Variants in CELF2 observed in about 807,000 individuals in gnomAD.
The protein encoded by CELF2 is CUGBP Elav-like family member 2.
CELF2 carries 8 observed loss-of-function variants against 62.6 expected under a neutral mutation model. The ratio of observed to expected loss-of-function variants is 0.13; its 90% CI spans 0.07 to 0.23. The LOEUF (loss-of-function observed/expected upper bound fraction) is 0.23. CELF2 is among the 10% of genes least tolerant of loss of function. The pLI, the probability that CELF2 is intolerant of heterozygous loss-of-function variation, is 1.00. For missense variants in CELF2, 333 were observed against 671.0 expected (o/e 0.50, Z 5.56); for synonymous variants, 258 against 250.0 (o/e 1.03, Z -0.30).
intron 9 of CELF2, among the ~76,000 whole-genome samples, chr10:11,310,727 G>A (rs776461741): frequency 2.1e-4 from 32 of 151,710 alleles, no homozygotes; most frequent in South Asian, 8.4e-4. Context: ...GACTGGCATC[G>A]GATGCAGTCC....
intron 1 of CELF2, among the ~76,000 whole-genome samples, chr10:10,826,368 A>G: frequency 6.6e-6 from 1 of 152,214 alleles, no homozygotes; most frequent in Non-Finnish European, 1.5e-5. Flanking sequence ...ATGGTCTCAG[A>G]CACAATGGTT....
At chr10:11,162,437 A>G (rs926597765) in intron 1 of CELF2, among the ~76,000 whole-genome samples, 1 of 152,168 alleles carries the variant, frequency 6.6e-6, no homozygotes, top group African/African-American at 2.4e-5. Context: ...CTTGATGCAA[A>G]TCTTTGGAAA....
At chr10:11,074,640 A>G (rs768771569) in intron 1 of CELF2, among the ~76,000 whole-genome samples, 2 of 152,180 alleles carry the variant, frequency 1.3e-5, no homozygotes, top group Non-Finnish European at 2.9e-5. Context: ...GGGGACTGGT[A>G]TTATTGGCAG....
intron 1 of CELF2, among the ~76,000 whole-genome samples, chr10:10,850,268 A>G (rs1351038770): frequency 6.6e-6 from 1 of 152,220 alleles, no homozygotes; most frequent in African/African-American, 2.4e-5. Context: ...TTACACAACT[A>G]GAAAAAAATG....
the CELF2 span, among the ~76,000 whole-genome samples, chr10:10,760,206 A>G: frequency 2.6e-5 from 4 of 152,068 alleles, no homozygotes; most frequent in Non-Finnish European, 5.9e-5. Flanking sequence ...GGCCAGCTAA[A>G]ATCATTTTTA....
the CELF2 span, among the ~76,000 whole-genome samples, chr10:10,591,052 T>A: frequency 8.4e-4 from 128 of 152,314 alleles, 4 homozygotes; most frequent in African/African-American, 2.8e-3. Flanking sequence ...TTCACGAGAA[T>A]ATAAAACATA....
rs2092352647 is a variant in CELF2 at position 11,290,497 on chromosome 10, A to G, written c.976+1945A>G. 6.7e-6 allele frequency among the ~76,000 whole-genome samples: 1 copy of G among 150,182 alleles called. No individual in the cohort carries two copies. The highest frequency in any genetic ancestry group is 2.5e-5 in the African/African-American group (1 of 40,590). ...ACTGGAGATCATGCCACTGCACTCC[A>G]GCCTGGGCGACGAGCGAGACTCCGT... is the stretch of plus-strand genomic sequence containing the variant. On this transcript the variant is annotated intron_variant, in intron 9 of 12. Transcript: ENST00000633077. This position sits in a 1 kb window ranked among gnomAD's most constrained non-coding sequence, Gnocchi z 4.3.
the CELF2 span, among the ~76,000 whole-genome samples, chr10:10,759,285 T>C: frequency 2.0e-5 from 3 of 146,484 alleles, no homozygotes; most frequent in African/African-American, 7.5e-5. Flanking sequence ...AGAAACTCAG[T>C]GCCCATTTTT....
chr10:11,048,653 C>A (rs2063302892), intron 1 of CELF2, among the ~76,000 whole-genome samples: 1 of 152,160 alleles, frequency 6.6e-6, no homozygotes, highest in African/African-American at 2.4e-5. Context: ...TCATAAAACA[C>A]CTAAGGTAGA....
chr10:10,770,143 C>T, the CELF2 span, among the ~76,000 whole-genome samples: 2 of 151,956 alleles, frequency 1.3e-5, no homozygotes, highest in South Asian at 2.1e-4. Context: ...GGATGCGGTG[C>T]GATTAGCTGG....
At chr10:10,525,810 T>C in the CELF2 span, among the ~76,000 whole-genome samples, 3 of 152,266 alleles carry the variant, frequency 2.0e-5, no homozygotes, top group Non-Finnish European at 2.9e-5. Context: ...GTCTTCCACA[T>C]ACTGATTGCA....
intron 1 of CELF2, among the ~76,000 whole-genome samples, chr10:11,106,850 C>T (rs1044249085): frequency 1.3e-5 from 2 of 152,186 alleles, no homozygotes; most frequent in African/African-American, 4.8e-5. Flanking sequence ...GGGACAATGA[C>T]GCTTCAGTGT....
At chr10:10,744,316 T>G in the CELF2 span, among the ~76,000 whole-genome samples, 2 of 152,212 alleles carry the variant, frequency 1.3e-5, no homozygotes, top group Admixed American at 6.5e-5. Flanking sequence ...AGATATCAGG[T>G]GTAATTATTC....
At chr10:11,019,130 A>G (rs1481205233) in intron 1 of CELF2, among the ~76,000 whole-genome samples, 2 of 152,302 alleles carry the variant, frequency 1.3e-5, no homozygotes, top group African/African-American at 4.8e-5. Flanking sequence ...GCTTGATAGG[A>G]AAGTTTTTAT....
intron 3 of CELF2, among the ~76,000 whole-genome samples, chr10:11,233,585 A>G (rs1343616544): frequency 6.6e-6 from 1 of 152,230 alleles, no homozygotes; most frequent in Non-Finnish European, 1.5e-5. Context: ...TTCCAGTACT[A>G]AAATTACTAT....
rs776758792 is a variant in CELF2 at position 11,257,554 on chromosome 10, GT to G, written c.404-183del. The G allele has an allele frequency of 1.0e-5, 6 of 580,410 alleles. No individual in the cohort carries two copies. The East Asian group carries it at 1.7e-4, about 17-fold the overall frequency. The allele number at this position is 580,410 out of a possible 1,614,324, so 36.0% of individuals were successfully genotyped here. A position where few individuals can be genotyped will look rare whatever the true frequency, so the allele number is the denominator to read the frequency against. On this transcript the variant is annotated intron_variant, in intron 4 of 12. Coordinates refer to ENST00000633077, the MANE Select transcript of CELF2 (RefSeq NM_001326342.2). ...GGGAGATGGGTTCAGGAAGCACCAG[GT>G]GGGAGGGAGTGGCAGGGTGGGGCGC...
the CELF2 span, among the ~76,000 whole-genome samples, chr10:10,520,118 C>A: frequency 6.6e-6 from 1 of 152,160 alleles, no homozygotes; most frequent in Admixed American, 6.5e-5. Context: ...AAGAATAAAA[C>A]CTGCTTTGCA....
rs1457998502 is a variant in CELF2, at chr10:11,244,585, G to T, written c.355-4568G>T. On this transcript the variant is annotated intron_variant, in intron 3 of 12. Coordinates refer to ENST00000633077, the MANE Select transcript of CELF2 (RefSeq NM_001326342.2). This position sits in a 1 kb window ranked among gnomAD's most constrained non-coding sequence, Gnocchi z 4.2. Reference sequence around the variant, plus strand: ...CAGGAGAATGGCATGAACCCGGGAGGCAGAGCTTTCAGTGAGCCGAGATCA... The same window carrying T: ...CAGGAGAATGGCATGAACCCGGGAGTCAGAGCTTTCAGTGAGCCGAGATCA... 1.3e-5 allele frequency among the ~76,000 whole-genome samples: 2 copies of T among 151,254 alleles called. No homozygotes were observed. The highest frequency in any genetic ancestry group is 2.9e-5 in the Non-Finnish European group (2 of 67,884).
chr10:10,909,070 G>T (rs974583488), intron 1 of CELF2, among the ~76,000 whole-genome samples: 1 of 152,132 alleles, frequency 6.6e-6, no homozygotes, highest in East Asian at 1.9e-4. Flanking sequence ...AATTACAGGC[G>T]TGAGCCACCA....
Sources: gnomAD v4.1 joint callset for allele counts (sites outside exome capture counted in the v4.1 genomes callset) on GRCh38, gnomAD v4.1.1 for gene constraint, Gnocchi (gnomAD v3.1) non-coding constraint, MANE v1.5 for transcripts, NCBI Gene and HGNC (gene_info 2026-07-23, HGNC 2026-07-21) for gene names.